OPTC: variants seen among roughly 807,000 people sequenced by gnomAD.
OPTC encodes the protein opticin, also known as oculoglycan.
In OPTC, 22 loss-of-function variants were observed where a neutral mutation model predicts 25.4. The ratio of observed to expected loss-of-function variants is 0.87; its 90% CI spans 0.62 to 1.24. The LOEUF (loss-of-function observed/expected upper bound fraction) is 1.24. Among genes scored for constraint, OPTC ranks in the 50% most tolerant of loss-of-function variants. OPTC has a pLI of 0.00. For synonymous variants in OPTC, 169 were observed against 179.3 expected (o/e 0.94, Z 0.46); for missense variants, 417 against 425.2 (o/e 0.98, Z 0.17).
chr1:203,505,602 G>A (rs1661467981), intron 7 of OPTC, among the ~76,000 whole-genome samples: 1 of 152,220 alleles, frequency 6.6e-6, no homozygotes, highest in African/African-American at 2.4e-5. Context: ...ACATTCTTCA[G>A]ATGGAGAGAT....
chr1:203,496,173 T>C lies in OPTC; in HGVS notation c.168T>C (p.Tyr56=). 1 of 1,614,152 alleles carries C rather than the reference T, an allele frequency of 6.2e-7. No homozygotes were observed. Among genetic ancestry groups the C allele is most frequent in the Non-Finnish European group, 8.5e-7 (1 of 1,180,030 alleles). The stretch of plus-strand genomic sequence containing the variant: ...ATGATGTCCTGAACCCAGACAACTA[T>C]GGTGAAGTCATTGACCTGAGCAACT... ...LRNDVLNPDN[Y]GEVIDLSNYE... Residue 56 remains tyrosine (Y), a synonymous_variant, in exon 2 of 8, where the codon TAT becomes TAC. Transcript: ENST00000367222.
At chr1:203,504,768 C>T (rs1235855846) in intron 7 of OPTC, among the ~76,000 whole-genome samples, 2 of 152,246 alleles carry the variant, frequency 1.3e-5, no homozygotes, top group Non-Finnish European at 2.9e-5. Context: ...TGGCCAGTCT[C>T]TTGAGCGTGG....
chr1:203,497,144 T>G (rs775246938), intron 3 of OPTC, 29 bp downstream of exon 3: 1 of 1,613,150 alleles, frequency 6.2e-7, no homozygotes, highest in South Asian at 1.1e-5. Context: ...GGTCGCAATA[T>G]CCCTAGGTCA....
intron 3 of OPTC, among the ~76,000 whole-genome samples, chr1:203,498,123 C>G (rs1661308664): frequency 6.6e-6 from 1 of 152,160 alleles, no homozygotes; most frequent in Non-Finnish European, 1.5e-5. Flanking sequence ...GGTACAGAGA[C>G]AGGGTCATGG....
rs1350078838 is a variant in OPTC, at chr1:203,500,123, C to CCTACCTCCAT, written c.732+273_732+274insTACCTCCATC. Among the ~76,000 whole-genome samples the CCTACCTCCAT allele has an allele frequency of 2.6e-3, 27 of 10,484 alleles. 1 individual carries two copies. The highest frequency in any genetic ancestry group is 2.4e-3 in the South Asian group (1 of 412). The allele number at this position is 10,484 out of a possible 152,430, so 6.9% of individuals were successfully genotyped here. A position where few individuals can be genotyped will look rare whatever the true frequency, so the allele number is the denominator to read the frequency against. On this transcript the variant is annotated intron_variant, in intron 5 of 7. Transcript: ENST00000367222. ...CCACCACCTACCACTGCCACCACCA[C>CCTACCTCCAT]CACCTACCTCCACCACCACCACCCA...
In OPTC at chr1:203,503,707, G is replaced by A. The variant is rs1467410102; in HGVS notation, c.986G>A (p.Gly329Asp). ...AYFCLPRLPI[G>D]RFT ...TTCTGCCTGCCTCGGCTCCCCATCG[G>A]CCGCTTCACGTAGCTCGGAGCCCTT... is the stretch of plus-strand genomic sequence containing the variant. The change falls in exon 7 of 8, where the codon GGC (glycine) becomes GAC (aspartate). Residue 329 changes from glycine (G) to aspartate (D), a missense_variant. Physicochemically the swap from Gly to Asp is moderately conservative, Grantham distance 94. Transcript: ENST00000367222. 1 of 1,607,412 alleles carries A rather than the reference G, an allele frequency of 6.2e-7. No individual in the cohort carries two copies. The highest frequency in any genetic ancestry group is 1.1e-5 in the South Asian group (1 of 91,064).
intron 7 of OPTC, among the ~76,000 whole-genome samples, 189 bp from the exon 8 acceptor site, chr1:203,508,457 T>A (rs1209472178): frequency 2.0e-5 from 3 of 152,128 alleles, no homozygotes; most frequent in African/African-American, 7.2e-5. Context: ...CACCCCTACA[T>A]GCCTGTGTCT....
intron 1 of OPTC, among the ~76,000 whole-genome samples, 183 bp downstream of exon 1, chr1:203,494,400 C>T (rs780977654): frequency 1.3e-5 from 2 of 152,088 alleles, no homozygotes; most frequent in Non-Finnish European, 2.9e-5. Context: ...TTATGTAATT[C>T]GTTTGGGGTG....
chr1:203,499,978 C>T, intron 5 of OPTC, 127 bp downstream of exon 5: 3 of 763,396 alleles, frequency 3.9e-6, no homozygotes, highest in East Asian at 2.7e-5. Context: ...CACCCACCTC[C>T]ACCATCACCC....
intron 5 of OPTC, 91 bp from the exon 6 acceptor site, chr1:203,502,823 T>C: frequency 1.0e-6 from 1 of 984,540 alleles, no homozygotes; most frequent in Non-Finnish European, 1.6e-6. Flanking sequence ...AGTGAACAAA[T>C]GGGGCCACCT....
In OPTC at chr1:203,499,634, C is replaced by T. The variant is rs1335008478; in HGVS notation, c.530-15C>T. On this transcript the variant is annotated splice_polypyrimidine_tract_variant and intron_variant, in intron 4 of 7. Transcript: ENST00000367222. ...GTTCTGGTTTCTCTCTTTGTTCTCC[C>T]CTAACCTCTCTCAGCAAAGTTGAAG... The T allele has an allele frequency of 1.2e-6, 2 of 1,610,180 alleles. No homozygotes were observed. Among genetic ancestry groups the T allele is most frequent in the African/African-American group, 1.3e-5 (1 of 74,736 alleles).
intron 7 of OPTC, among the ~76,000 whole-genome samples, chr1:203,507,659 G>A (rs1317472373): frequency 2.0e-5 from 3 of 152,192 alleles, no homozygotes; most frequent in African/African-American, 7.2e-5. Context: ...GAGGTCAAGG[G>A]GAAGAGGCCA....
intron 2 of OPTC, among the ~76,000 whole-genome samples, chr1:203,496,660 G>A (rs1361006799): frequency 6.6e-6 from 1 of 152,142 alleles, no homozygotes; most frequent in African/African-American, 2.4e-5. Flanking sequence ...GAGCCTGGTC[G>A]GTGTGGAGCA....
At chr1:203,498,036 G>A (rs1177517262) in intron 3 of OPTC, among the ~76,000 whole-genome samples, 2 of 152,128 alleles carry the variant, frequency 1.3e-5, no homozygotes, top group African/African-American at 2.4e-5. Context: ...AACCACCTGC[G>A]CTATTCAGTT....
chr1:203,497,780 T>C (rs1036352836), intron 3 of OPTC, among the ~76,000 whole-genome samples: 6 of 152,258 alleles, frequency 3.9e-5, no homozygotes, highest in Admixed American at 1.3e-4. Context: ...CAGGAATCCA[T>C]GACCTCTCAG....
intron 3 of OPTC, among the ~76,000 whole-genome samples, chr1:203,498,279 C>T (rs532457606): frequency 6.6e-6 from 1 of 152,330 alleles, no homozygotes; most frequent in East Asian, 1.9e-4. Flanking sequence ...ATTTCTCTTC[C>T]CCAAGGCAGA....
In OPTC at chr1:203,497,187, G is replaced by T. The variant is rs575045706; in HGVS notation, c.370+72G>T. The T allele has an allele frequency of 1.6e-4, 246 of 1,562,386 alleles. 1 individual carries two copies. The East Asian group carries it at 5.5e-3, about 35-fold the overall frequency. On this transcript the variant is annotated intron_variant, in intron 3 of 7. Transcript: ENST00000367222. ...AGCAGCTATGACCCAGCACCAGGGG[G>T]TACCAAAGTGGAACGTGGTTGGGGT... is the stretch of plus-strand genomic sequence containing the variant.
At chr1:203,503,465 G>A in intron 6 of OPTC, 85 bp from the exon 7 acceptor site, 1 of 1,360,666 alleles carries the variant, frequency 7.3e-7, no homozygotes, top group Non-Finnish European at 1.0e-6. Flanking sequence ...AGGCAGAGCT[G>A]GTAGGGACAG....
Position 203,503,752 on chromosome 1 carries a change from A to G in OPTC, c.*25+7A>G, listed in dbSNP as rs768891868. On this transcript the variant is annotated splice_region_variant and intron_variant, in intron 7 of 7. Coordinates refer to ENST00000367222, the MANE Select transcript of OPTC (RefSeq NM_014359.4). The stretch of plus-strand genomic sequence containing the variant: ...GCCCTTCCACTCCTCCCAGGTAAGA[A>G]CCCTCCAAGGACCATGCAGGCATGG... 35 of 1,594,772 alleles carry G rather than the reference A, an allele frequency of 2.2e-5. No individual in the cohort carries two copies. The highest frequency in any genetic ancestry group is 1.7e-6 in the Non-Finnish European group (2 of 1,178,672).
Sources: gnomAD v4.1 joint callset for allele counts (sites outside exome capture counted in the v4.1 genomes callset) on GRCh38, gnomAD v4.1.1 for gene constraint, MANE v1.5 for transcripts, NCBI Gene and HGNC (gene_info 2026-07-23, HGNC 2026-07-21) for gene names.